VWA8: variants seen among roughly 807,000 people sequenced by gnomAD.
VWA8 encodes the protein von Willebrand factor A domain containing 8.
In VWA8, 221 loss-of-function variants were observed where a neutral mutation model predicts 241.5. That is an observed-to-expected ratio of 0.91 (90% CI 0.82 to 1.02). The LOEUF is 1.02. Ranked by LOEUF, VWA8 falls within the 50% of genes least tolerant of loss-of-function variation. The pLI is 0.00. For synonymous variants in VWA8, 852 were observed against 827.1 expected (o/e 1.03, Z -0.52); for missense variants, 2,322 against 2,328.7 (o/e 1.00, Z 0.06).
rs554283662 is a variant in VWA8 at position 41,782,286 on chromosome 13, C to A, written c.2277+1509G>T. 1.5e-4 allele frequency among the ~76,000 whole-genome samples: 23 copies of A among 152,296 alleles called. No homozygotes were observed. The South Asian group carries it at 4.8e-3, about 32-fold the overall frequency. ...TTGCTGCTACTGTATTTCCTACATT[C>A]TTATATCCTGTGAAGTCTTTTCAAT... On this transcript the variant is annotated intron_variant, in intron 19 of 44. Coordinates refer to ENST00000379310, the MANE Select transcript of VWA8 (RefSeq NM_015058.2).
chr13:41,928,296 A>G (rs1876944139), intron 2 of VWA8, among the ~76,000 whole-genome samples: 1 of 152,208 alleles, frequency 6.6e-6, no homozygotes, highest in African/African-American at 2.4e-5. Context: ...TCAGCAGTAT[A>G]CACATTTATC....
chr13:41,601,222 C>T (rs761755430), intron 40 of VWA8, among the ~76,000 whole-genome samples: 4 of 152,110 alleles, frequency 2.6e-5, no homozygotes, highest in Non-Finnish European at 5.9e-5. Context: ...CTTCCCTCTA[C>T]CTAGGTACTT....
chr13:41,937,042 T>A (rs1439250151), intron 2 of VWA8, among the ~76,000 whole-genome samples: 1 of 152,202 alleles, frequency 6.6e-6, no homozygotes, highest in Non-Finnish European at 1.5e-5. Context: ...TACCATTGTG[T>A]AACAATTGTG....
At chr13:41,858,650 G>A (rs568677394) in intron 12 of VWA8, among the ~76,000 whole-genome samples, 70 of 151,984 alleles carry the variant, frequency 4.6e-4, no homozygotes, top group African/African-American at 1.6e-3. Context: ...GAAGATATGA[G>A]ACAGAAGCCT....
At chr13:41,826,271 A>G (rs1871165719) in intron 14 of VWA8, among the ~76,000 whole-genome samples, 1 of 152,214 alleles carries the variant, frequency 6.6e-6, no homozygotes, top group Non-Finnish European at 1.5e-5. Context: ...AAGGAAAGGG[A>G]TTAGGCTTTC....
intron 40 of VWA8, among the ~76,000 whole-genome samples, chr13:41,593,054 GT>G (rs2044466645): frequency 6.6e-6 from 1 of 152,172 alleles, no homozygotes; most frequent in African/African-American, 2.4e-5. Flanking sequence ...AGGTGGCTAT[GT>G]GATAGCACTG....
chr13:41,629,006 A>G lies in VWA8; in HGVS notation c.4612-13922T>C, dbSNP rs535288978. Among the ~76,000 whole-genome samples, 734 of 152,190 alleles carry G rather than the reference A, an allele frequency of 4.8e-3. 4 individuals are homozygous for G. Among genetic ancestry groups the G allele is most frequent in the African/African-American group, 0.017 (699 of 41,518 alleles). ...CAATGAGCCATGATCGCACCACTGC[A>G]CTCCAGTCTGGCGACAGAGCGAGAC... is the stretch of plus-strand genomic sequence containing the variant. On this transcript the variant is annotated intron_variant, in intron 37 of 44. Transcript: ENST00000379310.
At chr13:41,943,940 T>TA (rs1217366305) in intron 2 of VWA8, among the ~76,000 whole-genome samples, 4 of 151,400 alleles carry the variant, frequency 2.6e-5, no homozygotes, top group African/African-American at 4.9e-5. Flanking sequence ...CTGTCTCTAC[T>TA]AAAAAAATAC....
At chr13:41,931,930 G>A (rs979203987) in intron 2 of VWA8, among the ~76,000 whole-genome samples, 1 of 151,924 alleles carries the variant, frequency 6.6e-6, no homozygotes, top group Non-Finnish European at 1.5e-5. Flanking sequence ...GAGAAAATGA[G>A]ATCCAAAGAA....
At chr13:41,756,195 CAG>C (rs1425345304) in intron 21 of VWA8, among the ~76,000 whole-genome samples, 1 of 151,718 alleles carries the variant, frequency 6.6e-6, no homozygotes, top group Admixed American at 6.6e-5. Flanking sequence ...TTAGAGGGAA[CAG>C]ATCCTAAAAC....
At chr13:41,727,543 T>C (rs947793238) in intron 23 of VWA8, among the ~76,000 whole-genome samples, 4 of 152,148 alleles carry the variant, frequency 2.6e-5, no homozygotes, top group Admixed American at 2.6e-4. Flanking sequence ...TGCACTCTTA[T>C]ATACCTTCAG....
chr13:41,652,901 T>A (rs748798633), intron 37 of VWA8, among the ~76,000 whole-genome samples: 4 of 152,204 alleles, frequency 2.6e-5, no homozygotes, highest in Non-Finnish European at 4.4e-5. Context: ...AATTTGTCAT[T>A]AGTTGTTGAA....
intron 1 of VWA8, among the ~76,000 whole-genome samples, chr13:41,953,667 T>C (rs1398549132): frequency 2.6e-5 from 4 of 152,050 alleles, no homozygotes; most frequent in Non-Finnish European, 5.9e-5. Context: ...TAGCTGAGCG[T>C]GGTGGCTGGC....
intron 12 of VWA8, among the ~76,000 whole-genome samples, chr13:41,845,301 T>C (rs1354709413): frequency 6.6e-6 from 1 of 152,140 alleles, no homozygotes; most frequent in African/African-American, 2.4e-5. Context: ...GAATGGCTAT[T>C]ATGAAAAAGT....
chr13:41,783,961 C>T, intron 18 of VWA8, 60 bp from the exon 19 acceptor site: 1 of 1,256,362 alleles, frequency 8.0e-7, no homozygotes, highest in Non-Finnish European at 1.2e-6. Flanking sequence ...GATGCCAAGC[C>T]ACCCAACACA....
intron 21 of VWA8, among the ~76,000 whole-genome samples, chr13:41,753,787 T>C (rs2045672862): frequency 6.6e-6 from 1 of 152,176 alleles, no homozygotes; most frequent in Non-Finnish European, 1.5e-5. Flanking sequence ...ATAAACTAAG[T>C]GTGACTGATT....
At chr13:41,600,062 T>C (rs895959014) in intron 40 of VWA8, among the ~76,000 whole-genome samples, 20 of 152,286 alleles carry the variant, frequency 1.3e-4, no homozygotes, top group Non-Finnish European at 2.2e-4. Flanking sequence ...TGACATTCTG[T>C]TAGCTCTCAT....
intron 35 of VWA8, among the ~76,000 whole-genome samples, chr13:41,675,498 A>G (rs1205355128): frequency 6.6e-6 from 1 of 152,200 alleles, no homozygotes; most frequent in Non-Finnish European, 1.5e-5. Flanking sequence ...CTTTACTGTC[A>G]GAAAACAACC....
At chr13:41,918,552 G>A (rs1406036197) in intron 2 of VWA8, among the ~76,000 whole-genome samples, 1 of 152,090 alleles carries the variant, frequency 6.6e-6, no homozygotes, top group Non-Finnish European at 1.5e-5. Context: ...GAAAATAGGG[G>A]TGAATATATA....
Sources: gnomAD v4.1 joint callset for allele counts (sites outside exome capture counted in the v4.1 genomes callset) on GRCh38, gnomAD v4.1.1 for gene constraint, MANE v1.5 for transcripts, NCBI Gene and HGNC (gene_info 2026-07-23, HGNC 2026-07-21) for gene names.